PACS2: variants seen among roughly 807,000 people sequenced by gnomAD.
PACS2 encodes the protein PACS1-like protein.
A neutral mutation model predicts 113.0 loss-of-function variants in PACS2; 36 were observed. That is an observed-to-expected ratio of 0.32 (90% CI 0.24 to 0.42). The LOEUF (loss-of-function observed/expected upper bound fraction) is 0.42. PACS2 is among the 10% of genes least tolerant of loss of function. The probability of loss-of-function intolerance (pLI) is 1.00; values close to 1 mark genes in which losing one functional copy is unlikely to be tolerated. For synonymous variants in PACS2, 589 were observed against 536.1 expected (o/e 1.10, Z -1.36); for missense variants, 1,015 against 1,239.5 (o/e 0.82, Z 2.72).
intron 4 of PACS2, among the ~76,000 whole-genome samples, chr14:105,364,391 G>GGCGGTGTCCCGGGTGC (rs2060860693): frequency 7.6e-6 from 1 of 132,328 alleles, no homozygotes; most frequent in Non-Finnish European, 1.6e-5. Flanking sequence ...GTGCGCGGTG[G>GGCGGTGTCCCGGGTGC]GCGGTGTCCC....
intron 1 of PACS2, among the ~76,000 whole-genome samples, chr14:105,345,849 T>A (rs1185978182): frequency 6.6e-6 from 1 of 152,198 alleles, no homozygotes; most frequent in Non-Finnish European, 1.5e-5. Flanking sequence ...TCTGTGGGAA[T>A]CCGGGCAGCC....
At chr14:105,379,863 C>T in intron 10 of PACS2, 34 bp downstream of exon 10, 1 of 1,587,732 alleles carries the variant, frequency 6.3e-7, no homozygotes, top group South Asian at 1.1e-5. Context: ...CCAGAGCAGA[C>T]CGTGGTCTGA....
intron 1 of PACS2, among the ~76,000 whole-genome samples, chr14:105,338,469 C>T (rs2059608946): frequency 6.6e-6 from 1 of 152,164 alleles, no homozygotes; most frequent in Non-Finnish European, 1.5e-5. Flanking sequence ...CACCTTGTTC[C>T]TTGGGCCTCC....
At chr14:105,362,312 G>A (rs1448369542) in intron 4 of PACS2, among the ~76,000 whole-genome samples, 1 of 151,556 alleles carries the variant, frequency 6.6e-6, no homozygotes, top group Non-Finnish European at 1.5e-5. Flanking sequence ...CAGCTACTCG[G>A]GAGGCTGAGG....
rs935857781 is a variant in PACS2 at position 105,323,791 on chromosome 14, C to A, written c.119+8754C>A. ...CTGAGGGAGGGGCTGAGGAAGCTGA[C>A]CTGGGCAGCCAGTGGCCTGTAGGCT... On this transcript the variant is annotated intron_variant, in intron 1 of 24. Coordinates refer to ENST00000447393, the MANE Select transcript of PACS2 (RefSeq NM_001100913.3). This position sits in a 1 kb window ranked among gnomAD's most constrained non-coding sequence, Gnocchi z 4.1. 1.3e-5 allele frequency among the ~76,000 whole-genome samples: 2 copies of A among 152,178 alleles called. No homozygotes were observed. Among genetic ancestry groups the A allele is most frequent in the African/African-American group, 4.8e-5 (2 of 41,450 alleles).
At chr14:105,347,581 C>T (rs2059989147) in intron 1 of PACS2, among the ~76,000 whole-genome samples, 4 of 152,218 alleles carry the variant, frequency 2.6e-5, no homozygotes, top group Admixed American at 2.6e-4. Context: ...CTCAGCCACT[C>T]AGAACTTGTT....
intron 1 of PACS2, among the ~76,000 whole-genome samples, chr14:105,343,385 G>A (rs1243785892): frequency 2.0e-5 from 3 of 152,184 alleles, no homozygotes; most frequent in Non-Finnish European, 4.4e-5. Flanking sequence ...CAATTCCAAG[G>A]GGTAGGATTG....
At chr14:105,335,526 G>A (rs1283274252) in intron 1 of PACS2, among the ~76,000 whole-genome samples, 3 of 152,232 alleles carry the variant, frequency 2.0e-5, no homozygotes, top group Non-Finnish European at 4.4e-5. Context: ...TCTGGGGCAG[G>A]TGGGGACCAC....
At chr14:105,369,960 G>A (rs2061090379) in intron 8 of PACS2, 60 bp downstream of exon 8, 9 of 1,431,258 alleles carry the variant, frequency 6.3e-6, no homozygotes, top group Non-Finnish European at 7.6e-6. Context: ...CTGGTCGGGA[G>A]GAGGCCTCTG....
intron 1 of PACS2, among the ~76,000 whole-genome samples, chr14:105,336,878 C>T (rs1389832504): frequency 2.6e-5 from 4 of 152,198 alleles, no homozygotes; most frequent in Non-Finnish European, 5.9e-5. Flanking sequence ...AGCAGTTGCA[C>T]TTCTCAGTAG....
chr14:105,362,185 A>G (rs587598324), intron 4 of PACS2, among the ~76,000 whole-genome samples: 10,232 of 151,822 alleles, frequency 0.067, 1,080 homozygotes, highest in African/African-American at 0.22. Context: ...TTGGGAGGCC[A>G]CGGTGGGCGG....
In PACS2 at chr14:105,340,632, C is replaced by T. The variant is rs905194088; in HGVS notation, c.120-7861C>T. ...CTCCTGCTGTGCGGCCAGTTGCTAA[C>T]AGGCCAGGAACCTGTCCTGGGGGTT... On this transcript the variant is annotated intron_variant, in intron 1 of 24. Coordinates refer to ENST00000447393, the MANE Select transcript of PACS2 (RefSeq NM_001100913.3). This position sits in a 1 kb window ranked among gnomAD's most constrained non-coding sequence, Gnocchi z 4.2. Among the ~76,000 whole-genome samples the T allele has an allele frequency of 6.6e-6, 1 of 152,224 alleles. No homozygotes were observed. The highest frequency in any genetic ancestry group is 1.5e-5 in the Non-Finnish European group (1 of 68,036).
intron 3 of PACS2, among the ~76,000 whole-genome samples, chr14:105,352,874 G>GC (rs2060257571): frequency 4.9e-5 from 2 of 40,736 alleles, no homozygotes; most frequent in Non-Finnish European, 4.6e-5. Flanking sequence ...AGACGGGCAC[G>GC]CCTCATCACT....
rs1555412347 is a variant in PACS2 at position 105,382,618 on chromosome 14, G to A, written c.1518+37G>A. Reference sequence around the variant, plus strand: ...GTCTCTTGGAGTGGAGGGTCAGGGTGTAGGACAGAGGAGAGTGGGTTCCTG... The same window carrying A: ...GTCTCTTGGAGTGGAGGGTCAGGGTATAGGACAGAGGAGAGTGGGTTCCTG... On this transcript the variant is annotated intron_variant, in intron 14 of 24. Coordinates refer to ENST00000447393, the MANE Select transcript of PACS2 (RefSeq NM_001100913.3). 6 of 1,301,972 alleles carry A rather than the reference G, an allele frequency of 4.6e-6. No homozygotes were observed. In the South Asian group the frequency reaches 4.7e-5, roughly 10 times the overall value. 80.7% of individuals were successfully genotyped at this position (1,301,972 alleles called of 1,614,324 possible). A position where few individuals can be genotyped will look rare whatever the true frequency, so the allele number is the denominator to read the frequency against.
intron 8 of PACS2, chr14:105,372,466 T>TA (rs1485181089): frequency 2.0e-5 from 3 of 152,216 alleles, no homozygotes; most frequent in African/African-American, 7.2e-5. Flanking sequence ...ACCTAGATTC[T>TA]AAGCCTTAAA....
upstream of PACS2, among the ~76,000 whole-genome samples, chr14:105,311,773 C>A (rs879354577): frequency 6.6e-6 from 1 of 152,216 alleles, no homozygotes; most frequent in Non-Finnish European, 1.5e-5. Context: ...TTGGCCATCC[C>A]CCACATGGCT....
upstream of PACS2, among the ~76,000 whole-genome samples, chr14:105,312,072 C>T (rs1245991614): frequency 1.3e-5 from 2 of 152,216 alleles, no homozygotes; most frequent in Non-Finnish European, 2.9e-5. Context: ...CCCCACTCCC[C>T]GACTTCAGCA....
chr14:105,393,233 C>T lies in PACS2; in HGVS notation c.2494C>T (p.Pro832Ser). Reference protein sequence around the residue: ...KEKNKKVMFLPKKAKDKDVES... With the variant: ...KEKNKKVMFLSKKAKDKDVES... ...TTTTCTCCTCCCAGTGATGTTTCTGCCCAAGAAAGCGAAGGACAAGGACGT... is the reference window on the plus strand; with the variant it reads ...TTTTCTCCTCCCAGTGATGTTTCTGTCCAAGAAAGCGAAGGACAAGGACGT... Residue 832 changes from proline to serine, a missense_variant, in exon 24 of 25, where the codon CCC becomes TCC. Physicochemically the swap from Pro to Ser is moderately conservative, Grantham distance 74. Transcript: ENST00000447393. The T allele has an allele frequency of 6.2e-7, 1 of 1,612,480 alleles. No homozygotes were observed. Among genetic ancestry groups the T allele is most frequent in the Non-Finnish European group, 8.5e-7 (1 of 1,179,538 alleles).
chr14:105,316,789 G>C (rs2058667950), intron 1 of PACS2, among the ~76,000 whole-genome samples: 1 of 152,154 alleles, frequency 6.6e-6, no homozygotes, highest in Non-Finnish European at 1.5e-5. Context: ...TAAGTGCTGG[G>C]GGGGGTCCCG....
Sources: gnomAD v4.1 joint callset for allele counts (sites outside exome capture counted in the v4.1 genomes callset) on GRCh38, gnomAD v4.1.1 for gene constraint, Gnocchi (gnomAD v3.1) non-coding constraint, MANE v1.5 for transcripts, NCBI Gene and HGNC (gene_info 2026-07-23, HGNC 2026-07-21) for gene names.